Variants in ZFHX3 observed in about 807,000 individuals in gnomAD.
ZFHX3 encodes the protein zinc finger homeobox 3, also known as zinc finger homeobox protein 3.
Under a neutral mutation model 279.1 loss-of-function variants are expected in ZFHX3, and 42 were observed. That is an observed-to-expected ratio of 0.15 (90% CI 0.12 to 0.19). The LOEUF (loss-of-function observed/expected upper bound fraction) is 0.19. Among genes scored for constraint, ZFHX3 ranks in the 10% least tolerant of loss-of-function variants. ZFHX3 has a pLI of 1.00. For synonymous variants in ZFHX3, 2,293 were observed against 1,957.8 expected (o/e 1.17, Z -4.52); for missense variants, 4,981 against 4,754.0 (o/e 1.05, Z -1.40).
intron 1 of ZFHX3, among the ~76,000 whole-genome samples, chr16:73,685,491 G>C (rs976397293): frequency 1.3e-5 from 2 of 152,196 alleles, no homozygotes; most frequent in African/African-American, 4.8e-5. Flanking sequence ...CCCCCTTGCA[G>C]CTTCCAGAAA....
intron 3 of ZFHX3, among the ~76,000 whole-genome samples, chr16:73,414,686 T>C (rs1038642410): frequency 6.6e-6 from 1 of 152,082 alleles, no homozygotes; most frequent in Non-Finnish European, 1.5e-5. Context: ...AAATTTAAAA[T>C]AATCCACCAG....
At chr16:73,151,879 C>CA (rs58576284) in intron 5 of ZFHX3, among the ~76,000 whole-genome samples, 3,014 of 120,506 alleles carry the variant, frequency 0.025, 78 homozygotes, top group African/African-American at 0.077. Context: ...ATGCAAAAAA[C>CA]AAAAAAAAAA....
intron 1 of ZFHX3, among the ~76,000 whole-genome samples, chr16:73,691,675 A>T (rs957033380): frequency 3.9e-5 from 6 of 152,244 alleles, no homozygotes; most frequent in African/African-American, 7.2e-5. Context: ...ACAGAGATTA[A>T]GTAACTTCCC....
chr16:73,080,684 C>T (rs1024507886), intron 8 of ZFHX3, among the ~76,000 whole-genome samples: 8 of 152,062 alleles, frequency 5.3e-5, no homozygotes, highest in African/African-American at 1.7e-4. Flanking sequence ...AATGATCCTT[C>T]CACGTCAGCC....
rs534290932 is a variant in ZFHX3, at chr16:73,878,900, G to A, written c.-1608+12751C>T. ...AAAGGCTGATAGATGTAACTGGAAAGACATCCAGTCCTACATCCTTCACTG... is the reference window on the plus strand; with the variant it reads ...AAAGGCTGATAGATGTAACTGGAAAAACATCCAGTCCTACATCCTTCACTG... On this transcript the variant is annotated intron_variant, in intron 1 of 17. Transcript: ENST00000641206. Among the ~76,000 whole-genome samples the A allele has an allele frequency of 1.1e-3, 170 of 150,554 alleles. 1 individual carries two copies. Among genetic ancestry groups the A allele is most frequent in the African/African-American group, 3.8e-3 (157 of 40,976 alleles).
intron 4 of ZFHX3, among the ~76,000 whole-genome samples, chr16:73,296,743 T>C (rs2014919873): frequency 6.6e-6 from 1 of 152,122 alleles, no homozygotes; most frequent in Admixed American, 6.6e-5. Flanking sequence ...ATACTACTAA[T>C]AATGATATTG....
chr16:73,808,428 T>G (rs914887007), intron 1 of ZFHX3: 3 of 152,224 alleles, frequency 2.0e-5, no homozygotes, highest in African/African-American at 7.2e-5. Flanking sequence ...AAAGCCAGCC[T>G]GTAAGCTTCT....
At chr16:73,775,814 G>A (rs1052545212) in intron 1 of ZFHX3, among the ~76,000 whole-genome samples, 2 of 152,122 alleles carry the variant, frequency 1.3e-5, no homozygotes, top group African/African-American at 4.8e-5. Context: ...CAGACAATGT[G>A]CCATTAAGTG....
At position 72,782,971 on chromosome 16, in the gene ZFHX3, A is replaced by G. The variant is rs2035186606; in HGVS notation, c.*4193T>C. The G allele has an allele frequency of 6.6e-6, 1 of 152,582 alleles. No individual in the cohort carries two copies. The highest frequency in any genetic ancestry group is 1.5e-5 in the Non-Finnish European group (1 of 68,014). 9.5% of individuals were successfully genotyped at this position (152,582 alleles called of 1,614,324 possible). On this transcript the variant is annotated 3_prime_UTR_variant, in exon 10 of 10. Coordinates refer to ENST00000268489, the MANE Select transcript of ZFHX3 (RefSeq NM_006885.4). ...TTTCAAAGGAGTATATTCAATTACC[A>G]TCTACAATCAACTTAACTATGACAA...
At chr16:73,633,482 G>T (rs968489491) in intron 2 of ZFHX3, among the ~76,000 whole-genome samples, 4 of 152,200 alleles carry the variant, frequency 2.6e-5, no homozygotes, top group African/African-American at 9.6e-5. Context: ...GGTAATCTTT[G>T]CAGGAAAGTG....
chr16:73,591,382 A>C (rs909311743), intron 2 of ZFHX3, among the ~76,000 whole-genome samples: 5 of 150,076 alleles, frequency 3.3e-5, no homozygotes, highest in Non-Finnish European at 7.4e-5. Context: ...ACAAACAAAC[A>C]AACAAAAATC....
Position 73,580,432 on chromosome 16 carries a change from C to T in ZFHX3, c.-1547+99748G>A, listed in dbSNP as rs924507570. 1.8e-4 allele frequency among the ~76,000 whole-genome samples: 28 copies of T among 151,846 alleles called. 2 individuals are homozygous for T. The highest frequency in any genetic ancestry group is 5.8e-4 in the African/African-American group (24 of 41,248). On this transcript the variant is annotated intron_variant, in intron 2 of 17. Transcript: ENST00000641206. ...GGCAGAGGTTGCAGTGAGCCAAGAT[C>T]GTGCCACTGCACTCCAGCCTGGCAA... is the stretch of plus-strand genomic sequence containing the variant.
At chr16:73,632,040 A>C (rs937648415) in intron 2 of ZFHX3, among the ~76,000 whole-genome samples, 2 of 152,180 alleles carry the variant, frequency 1.3e-5, no homozygotes, top group Non-Finnish European at 2.9e-5. Context: ...CTACAAATCT[A>C]ACTAAAAAAT....
At chr16:73,868,746 T>G (rs1052341657) in intron 1 of ZFHX3, among the ~76,000 whole-genome samples, 1 of 152,144 alleles carries the variant, frequency 6.6e-6, no homozygotes, top group African/African-American at 2.4e-5. Context: ...AATTACTAAG[T>G]GTACACTGAA....
At chr16:73,159,018 G>A (rs574136433) in intron 5 of ZFHX3, among the ~76,000 whole-genome samples, 38 of 152,252 alleles carry the variant, frequency 2.5e-4, no homozygotes, top group South Asian at 4.2e-4. Context: ...CATAGGAACA[G>A]GCAAAGATTT....
At chr16:73,222,751 G>A (rs9940233) in intron 5 of ZFHX3, among the ~76,000 whole-genome samples, 2,329 of 152,122 alleles carry the variant, frequency 0.015, 66 homozygotes, top group African/African-American at 0.052. Flanking sequence ...CAAAGACCAA[G>A]AATAGCTAAC....
In ZFHX3 at chr16:72,796,199, C is replaced by T. The variant is rs1180879619; in HGVS notation, c.6483G>A (p.Arg2161=). ...RITDDQLRVL[R]QYFDINNSPS... ...GGGAGTTGTTAATGTCAAAATATTG[C>T]CGCAAGACTCGGAGCTGATCATCTG... Residue 2161 remains arginine, a synonymous_variant, in exon 9 of 10, where the codon CGG becomes CGA. Transcript: ENST00000268489. 6.2e-7 allele frequency: 1 copy of T among 1,614,090 alleles called. No individual in the cohort carries two copies. The highest frequency in any genetic ancestry group is 8.5e-7 in the Non-Finnish European group (1 of 1,180,024).
At chr16:73,342,528 A>G (rs1277344278) in intron 3 of ZFHX3, among the ~76,000 whole-genome samples, 1 of 152,204 alleles carries the variant, frequency 6.6e-6, no homozygotes, top group African/African-American at 2.4e-5. Flanking sequence ...TCGATGAGGA[A>G]TGATTTCCAG....
intron 1 of ZFHX3, among the ~76,000 whole-genome samples, chr16:72,980,501 C>T (rs1051010483): frequency 6.6e-6 from 1 of 151,688 alleles, no homozygotes; most frequent in Admixed American, 6.6e-5. Flanking sequence ...GCTCAAACCT[C>T]AAGTATCAGC....
Sources: gnomAD v4.1 joint callset for allele counts (sites outside exome capture counted in the v4.1 genomes callset) on GRCh38, gnomAD v4.1.1 for gene constraint, MANE v1.5 for transcripts, NCBI Gene and HGNC (gene_info 2026-07-23, HGNC 2026-07-21) for gene names.